Variants in TMEM126A observed in about 807,000 individuals in gnomAD.
TMEM126A encodes the protein optic atrophy 7.
TMEM126A carries 10 observed loss-of-function variants against 18.3 expected under a neutral mutation model. The ratio of observed to expected loss-of-function variants is 0.55; its 90% confidence interval spans 0.34 to 0.93. The LOEUF (loss-of-function observed/expected upper bound fraction) is 0.93, where lower values mean the gene tolerates loss of function less well. Among genes scored for constraint, TMEM126A ranks in the 40% least tolerant of loss-of-function variants. The pLI is 0.02. For synonymous variants in TMEM126A, 68 were observed against 78.1 expected (o/e 0.87, Z 0.68); for missense variants, 246 against 230.2 (o/e 1.07, Z -0.44).
chr11:85,656,378 C>G lies in TMEM126A; in HGVS notation c.465C>G (p.Val155=). The change falls in exon 5 of 5, where the codon GTC becomes GTG. Residue 155 remains valine, a synonymous_variant. Coordinates refer to ENST00000304511, the MANE Select transcript of TMEM126A (RefSeq NM_032273.4). ...LSYWIRTSKP[V]FRKMLFPILL... is the part of the protein sequence containing the mutation. ...ACTGGATTAGAACTTCTAAGCCTGT[C>G]TTTAGAAAGATGTTATTTCCTATTT... is the stretch of plus-strand genomic sequence containing the variant. 1 of 1,613,032 alleles carries G rather than the reference C, an allele frequency of 6.2e-7. No individual in the cohort carries two copies. The highest frequency in any genetic ancestry group is 8.5e-7 in the Non-Finnish European group (1 of 1,179,540).
chr11:85,653,969 G>C, intron 2 of TMEM126A, 94 bp from the exon 3 acceptor site: 1 of 1,391,530 alleles, frequency 7.2e-7, no homozygotes, highest in Non-Finnish European at 1.0e-6. Context: ...TATCCAGTTA[G>C]TGTATTCCCA....
intron 2 of TMEM126A, among the ~76,000 whole-genome samples, chr11:85,652,035 G>A (rs946935594): frequency 4.6e-5 from 7 of 152,160 alleles, no homozygotes; most frequent in African/African-American, 1.7e-4. Context: ...GTGGGGGCAC[G>A]TGCCTGTAGT....
chr11:85,649,942 T>C (rs1390925276), intron 1 of TMEM126A, among the ~76,000 whole-genome samples: 1 of 152,246 alleles, frequency 6.6e-6, no homozygotes, highest in East Asian at 1.9e-4. Context: ...CTTATCTTTA[T>C]GGTATATGTT....
chr11:85,655,305 T>C (rs1464545202), intron 3 of TMEM126A: 2 of 342,678 alleles, frequency 5.8e-6, no homozygotes, highest in South Asian at 2.7e-5. Context: ...CCTAGGTCTG[T>C]TGATAAAAAA....
intron 2 of TMEM126A, among the ~76,000 whole-genome samples, chr11:85,652,982 T>C (rs754965137): frequency 2.4e-4 from 37 of 152,290 alleles, no homozygotes; most frequent in East Asian, 5.8e-4. Context: ...TACATGGTTT[T>C]TGTGGTTGGT....
intron 1 of TMEM126A, 57 bp from the exon 2 acceptor site, chr11:85,650,192 G>T: frequency 8.8e-7 from 1 of 1,132,090 alleles, no homozygotes; most frequent in Non-Finnish European, 1.3e-6. Context: ...GTCTTCAGAA[G>T]GTTTTTAAAA....
In TMEM126A at chr11:85,650,229, A is replaced by C. The variant is rs1476912512; in HGVS notation, c.-7-20A>C. 1 of 1,429,636 alleles carries C rather than the reference A, an allele frequency of 7.0e-7. No homozygotes were observed. The highest frequency in any genetic ancestry group is 2.3e-5 in the East Asian group (1 of 43,906). The allele number at this position is 1,429,636 out of a possible 1,614,324, so 88.6% of individuals were successfully genotyped here. Reference sequence around the variant, plus strand: ...TCTTTGTATAAATTCTTGAGAAATGATATCTTCATGTTTTTTAAGGCTCAA... The same window carrying C: ...TCTTTGTATAAATTCTTGAGAAATGCTATCTTCATGTTTTTTAAGGCTCAA... On this transcript the variant is annotated intron_variant, in intron 1 of 4. Coordinates refer to ENST00000304511, the MANE Select transcript of TMEM126A (RefSeq NM_032273.4).
chr11:85,656,190 A>G, intron 4 of TMEM126A, 119 bp from the exon 5 acceptor site: 1 of 895,184 alleles, frequency 1.1e-6, no homozygotes, highest in Non-Finnish European at 1.7e-6. Flanking sequence ...GACACTGAAG[A>G]CCTTTACTTT....
At position 85,656,303 on chromosome 11, in the gene TMEM126A, T is replaced by C; in HGVS notation, c.396-6T>C. On this transcript the variant is annotated splice_polypyrimidine_tract_variant and splice_region_variant and intron_variant, in intron 4 of 4. Transcript: ENST00000304511. The stretch of plus-strand genomic sequence containing the variant: ...TCTATTGAACTATCTCAATGTTTTC[T>C]TACAGGTATCAATCAGCTCTGTTAC... 1 of 1,610,256 alleles carries C rather than the reference T, an allele frequency of 6.2e-7. No homozygotes were observed.
Position 85,651,742 on chromosome 11 carries a change from C to G in TMEM126A, c.86+1401C>G, listed in dbSNP as rs148910131. Among the ~76,000 whole-genome samples, 480 of 152,220 alleles carry G rather than the reference C, an allele frequency of 3.2e-3. 2 individuals are homozygous for G. The highest frequency in any genetic ancestry group is 0.011 in the African/African-American group (443 of 41,528). ...AGATCTTAAAAGCTCTTTCACCCCC[C>G]CTCCCCACACTCCAACTCCACTCCC... On this transcript the variant is annotated intron_variant, in intron 2 of 4. Coordinates refer to ENST00000304511, the MANE Select transcript of TMEM126A (RefSeq NM_032273.4).
At chr11:85,652,789 T>A (rs986946830) in intron 2 of TMEM126A, among the ~76,000 whole-genome samples, 1 of 151,550 alleles carries the variant, frequency 6.6e-6, no homozygotes, top group African/African-American at 2.4e-5. Flanking sequence ...GACTTATATA[T>A]AACATGTATA....
intron 2 of TMEM126A, among the ~76,000 whole-genome samples, chr11:85,651,069 C>CAAAAAAAA (rs3068382): frequency 1.3e-5 from 1 of 79,870 alleles, no homozygotes; most frequent in Admixed American, 1.7e-4. Flanking sequence ...GGATCCGTCT[C>CAAAAAAAA]AAAAAAAAAA....
chr11:85,654,314 T>G (rs569477121), intron 3 of TMEM126A, 58 bp downstream of exon 3: 1 of 1,513,976 alleles, frequency 6.6e-7, no homozygotes, highest in Admixed American at 1.7e-5. Context: ...ATTTGCAGCT[T>G]TAGTCCATAC....
intron 2 of TMEM126A, 61 bp from the exon 3 acceptor site, chr11:85,654,002 A>T: frequency 1.3e-6 from 2 of 1,578,962 alleles, no homozygotes; most frequent in Non-Finnish European, 1.7e-6. Context: ...ACATGTCAAG[A>T]TCGGGAAAGC....
chr11:85,656,164 G>GT, intron 4 of TMEM126A, 145 bp from the exon 5 acceptor site: 1 of 754,524 alleles, frequency 1.3e-6, no homozygotes, highest in South Asian at 1.8e-5. Flanking sequence ...AGAAACAAAA[G>GT]TTTTTAGGAT....
In TMEM126A at chr11:85,647,977, A is replaced by C. The variant is rs1262393220; in HGVS notation, c.-120A>C. ...ACCCGGCGCCCGCCCACGCCGCGTC[A>C]CGAGTCAGCCAAAGATGGCTGCGCC... On this transcript the variant is annotated 5_prime_UTR_variant, in exon 1 of 5. Coordinates refer to ENST00000304511, the MANE Select transcript of TMEM126A (RefSeq NM_032273.4). 6.6e-6 allele frequency: 1 copy of C among 152,414 alleles called. No homozygotes were observed. Among genetic ancestry groups the C allele is most frequent in the Admixed American group, 6.5e-5 (1 of 15,284 alleles). 9.4% of individuals were successfully genotyped at this position (152,414 alleles called of 1,614,324 possible).
At chr11:85,649,590 C>A (rs1005395826) in intron 1 of TMEM126A, among the ~76,000 whole-genome samples, 7 of 152,160 alleles carry the variant, frequency 4.6e-5, no homozygotes, top group African/African-American at 1.7e-4. Context: ...CCCAAAGTGA[C>A]TGTACAGTTT....
chr11:85,651,743 C>T (rs995822398), intron 2 of TMEM126A, among the ~76,000 whole-genome samples: 3 of 152,148 alleles, frequency 2.0e-5, no homozygotes, highest in Non-Finnish European at 4.4e-5. Flanking sequence ...TTCACCCCCC[C>T]TCCCCACACT....
chr11:85,653,082 AG>A (rs1384499157), intron 2 of TMEM126A, among the ~76,000 whole-genome samples: 2 of 152,170 alleles, frequency 1.3e-5, no homozygotes, highest in African/African-American at 4.8e-5. Flanking sequence ...CCATTTTCAT[AG>A]ACTTCTGTTA....
Sources: gnomAD v4.1 joint callset for allele counts (sites outside exome capture counted in the v4.1 genomes callset) on GRCh38, gnomAD v4.1.1 for gene constraint, MANE v1.5 for transcripts, NCBI Gene and HGNC (gene_info 2026-07-23, HGNC 2026-07-21) for gene names.